Variants in REPS1 observed in about 807,000 individuals in gnomAD.
REPS1 encodes the protein RALBP1 associated Eps domain containing 1, also known as ralBP1-associated Eps domain-containing protein 1.
Under a neutral mutation model 100.9 loss-of-function variants are expected in REPS1, and 39 were observed. The ratio of observed to expected loss-of-function variants is 0.39; its 90% CI spans 0.30 to 0.50. The LOEUF (loss-of-function observed/expected upper bound fraction) is 0.50. REPS1 is among the 20% of genes least tolerant of loss of function. The probability of loss-of-function intolerance (pLI) is 0.86; values close to 1 mark genes in which losing one functional copy is unlikely to be tolerated. For synonymous variants in REPS1, 324 were observed against 340.3 expected (o/e 0.95, Z 0.53); for missense variants, 821 against 968.5 (o/e 0.85, Z 2.02).
intron 1 of REPS1, among the ~76,000 whole-genome samples, chr6:138,969,180 G>A (rs964857690): frequency 1.0e-4 from 15 of 150,400 alleles, no homozygotes; most frequent in African/African-American, 3.7e-4. Context: ...GGCCCTGGGA[G>A]GAAAACAAAA....
intron 1 of REPS1, among the ~76,000 whole-genome samples, chr6:138,981,115 A>G (rs1229545244): frequency 6.6e-6 from 1 of 152,188 alleles, no homozygotes. Context: ...AATTCTGTGG[A>G]ACTATGTTTT....
chr6:138,981,132 AG>A (rs1211091366), intron 1 of REPS1, among the ~76,000 whole-genome samples: 3 of 152,232 alleles, frequency 2.0e-5, no homozygotes, highest in Admixed American at 1.3e-4. Flanking sequence ...TTTTCTAAGC[AG>A]ATGTCCAGTG....
chr6:138,930,144 G>C (rs1254773730), intron 8 of REPS1, 46 bp from the exon 9 acceptor site: 1 of 1,536,600 alleles, frequency 6.5e-7, no homozygotes, highest in Non-Finnish European at 8.9e-7. Flanking sequence ...CTACATTGTA[G>C]TTTATTTTAG....
Position 138,988,114 on chromosome 6 carries a change from G to C in REPS1, c.-432C>G. The C allele has an allele frequency of 2.5e-6, 1 of 398,060 alleles. No individual in the cohort carries two copies. Among genetic ancestry groups the C allele is most frequent in the East Asian group, 3.6e-5 (1 of 28,032 alleles). 24.7% of individuals were successfully genotyped at this position (398,060 alleles called of 1,614,324 possible). A position where few individuals can be genotyped will look rare whatever the true frequency, so the allele number is the denominator to read the frequency against. The stretch of plus-strand genomic sequence containing the variant: ...CCCTTCCGTCCACGCCTCCGGAGCG[G>C]CAGCGCTTCCCGGAAAGTTGTGGGG... On this transcript the variant is annotated 5_prime_UTR_variant, in exon 1 of 20. Coordinates refer to ENST00000450536, the MANE Select transcript of REPS1 (RefSeq NM_001286611.2).
chr6:138,926,662 T>C (rs568383141), intron 9 of REPS1, 181 bp from the exon 10 acceptor site: 46 of 567,800 alleles, frequency 8.1e-5, no homozygotes, highest in African/African-American at 8.1e-4. Context: ...TCACTTGTAA[T>C]GTAAGGTGAG....
chr6:138,937,521 T>TAA (rs72011121), intron 8 of REPS1, among the ~76,000 whole-genome samples: 1 of 151,890 alleles, frequency 6.6e-6, no homozygotes, highest in African/African-American at 2.4e-5. Flanking sequence ...TTCTCTGGCT[T>TAA]AAAAAAAATT....
At chr6:138,944,645 T>C (rs768947287) in intron 4 of REPS1, 23 bp from the exon 5 acceptor site, 1 of 1,596,728 alleles carries the variant, frequency 6.3e-7, no homozygotes, top group Non-Finnish European at 8.5e-7. Flanking sequence ...TGGGTAAACA[T>C]GCTGACTCAT....
intron 8 of REPS1, among the ~76,000 whole-genome samples, chr6:138,938,254 G>A (rs566170409): frequency 3.2e-4 from 48 of 152,186 alleles, no homozygotes; most frequent in African/African-American, 1.1e-3. Context: ...ACCTGTTCAA[G>A]CAATTTTGGA....
At chr6:138,919,957 G>C (rs1409605131) in intron 12 of REPS1, among the ~76,000 whole-genome samples, 1 of 152,126 alleles carries the variant, frequency 6.6e-6, no homozygotes, top group Non-Finnish European at 1.5e-5. Context: ...TTGTGTGATA[G>C]AAAAGGAAGG....
In REPS1 at chr6:138,987,687, G is replaced by A; in HGVS notation, c.-5C>T. The stretch of plus-strand genomic sequence containing the variant: ...GCTCAGCGTTAAGCCTTCCATCTTC[G>A]CCTCCGGCTCACGGCCGCCCCGCCC... On this transcript the variant is annotated 5_prime_UTR_variant, in exon 1 of 20. An upstream open reading frame in the 5' UTR gains an earlier in-frame stop. Transcript: ENST00000450536. 2.6e-6 allele frequency: 4 copies of A among 1,538,210 alleles called. No individual in the cohort carries two copies. The highest frequency in any genetic ancestry group is 1.4e-5 in the African/African-American group (1 of 71,692).
chr6:138,916,029 T>C (rs1582717128), intron 13 of REPS1, 53 bp from the exon 14 acceptor site: 2 of 1,330,256 alleles, frequency 1.5e-6, no homozygotes, highest in Non-Finnish European at 2.2e-6. Flanking sequence ...CAGAGCTTTT[T>C]TCTTTTTAAA....
At chr6:138,921,511 G>C (rs1213766171) in intron 10 of REPS1, among the ~76,000 whole-genome samples, 1 of 150,786 alleles carries the variant, frequency 6.6e-6, no homozygotes, top group East Asian at 1.9e-4. Context: ...AAACGATCTG[G>C]GCATAGCCCA....
chr6:138,980,778 C>A (rs1295409437), intron 1 of REPS1, among the ~76,000 whole-genome samples: 2 of 148,386 alleles, frequency 1.3e-5, no homozygotes, highest in Admixed American at 6.8e-5. Flanking sequence ...GCCTCAACTT[C>A]CCAGGCTCAA....
At chr6:138,987,451 G>A (rs1468288563) in intron 1 of REPS1, 79 bp downstream of exon 1, 7 of 1,346,190 alleles carry the variant, frequency 5.2e-6, no homozygotes, top group Admixed American at 2.9e-5. Flanking sequence ...GGGCCCCAAG[G>A]AATCGGCGCC....
At chr6:138,965,772 C>T (rs912221937) in intron 1 of REPS1, among the ~76,000 whole-genome samples, 1 of 152,084 alleles carries the variant, frequency 6.6e-6, no homozygotes, top group African/African-American at 2.4e-5. Context: ...TTACAACATG[C>T]CACATAAAAT....
chr6:138,943,594 T>C lies in REPS1; in HGVS notation c.917-18A>G, dbSNP rs1582791881. 1 of 1,511,920 alleles carries C rather than the reference T, an allele frequency of 6.6e-7. No individual in the cohort carries two copies. The highest frequency in any genetic ancestry group is 1.1e-5 in the South Asian group (1 of 87,902). The allele number at this position is 1,511,920 out of a possible 1,614,324, so 93.7% of individuals were successfully genotyped here. ...TGCAGATCCTGAAATATTAAAACAG[T>C]GTTGTTTAATGTTATTCTGAACTTA... On this transcript the variant is annotated intron_variant, in intron 6 of 19. Transcript: ENST00000450536.
intron 1 of REPS1, among the ~76,000 whole-genome samples, chr6:138,987,008 CTAAG>C (rs1331227477): frequency 6.6e-6 from 1 of 152,176 alleles, no homozygotes; most frequent in Non-Finnish European, 1.5e-5. Flanking sequence ...TGTAAAACTA[CTAAG>C]TAGTTCACAT....
At position 138,920,332 on chromosome 6, in the gene REPS1, T is replaced by C. The variant is rs769288809; in HGVS notation, c.1427-16A>G. 6.7e-6 allele frequency: 9 copies of C among 1,338,328 alleles called. No homozygotes were observed. In the Admixed American group the frequency reaches 1.3e-4, roughly 20 times the overall value. 82.9% of individuals were successfully genotyped at this position (1,338,328 alleles called of 1,614,324 possible). On this transcript the variant is annotated splice_polypyrimidine_tract_variant and intron_variant, in intron 11 of 19. Transcript: ENST00000450536. ...TTTGTATGATCTAATAGAGAATTAA[T>C]AGGTAAAAATACAAGACATAGGTAT...
intron 8 of REPS1, among the ~76,000 whole-genome samples, chr6:138,931,911 A>G (rs1338154104): frequency 3.9e-5 from 6 of 152,238 alleles, no homozygotes; most frequent in Non-Finnish European, 8.8e-5. Flanking sequence ...AAAGCAGGTG[A>G]GTACTGAAGA....
Sources: allele counts gnomAD v4.1 joint callset (sites outside exome capture counted in the v4.1 genomes callset), GRCh38; gene constraint gnomAD v4.1.1; transcripts MANE v1.5; gene names NCBI Gene and HGNC (gene_info 2026-07-23, HGNC 2026-07-21).